The following MGLL variants were observed in gnomAD, a reference collection of about 807,000 sequenced individuals.
The protein encoded by MGLL is lysophospholipase homolog.
MGLL carries 7 observed loss-of-function variants against 29.1 expected under a neutral mutation model. The ratio of observed to expected loss-of-function variants is 0.24; its 90% CI spans 0.14 to 0.45. MGLL has a LOEUF of 0.45. Among genes scored for constraint, MGLL ranks in the 20% least tolerant of loss-of-function variants. The pLI is 0.99. For synonymous variants in MGLL, 148 were observed against 168.3 expected (o/e 0.88, Z 0.93); for missense variants, 356 against 413.6 (o/e 0.86, Z 1.21).
chr3:127,697,632 C>G (rs756343650), intron 6 of MGLL, among the ~76,000 whole-genome samples: 1 of 152,184 alleles, frequency 6.6e-6, no homozygotes, highest in Non-Finnish European at 1.5e-5. Context: ...CACATGACCA[C>G]GTTCTGGCCA....
Position 127,722,509 on chromosome 3 carries a change from A to T in MGLL, c.320T>A (p.Val107Asp), listed in dbSNP as rs2075948260. Residue 107 changes from valine to aspartate, a missense_variant, in exon 4 of 8, where the codon GTC (valine) becomes GAC (aspartate). Transcript: ENST00000265052. The part of the protein sequence containing the change: ...RMVVSDFHVF[V>D]RDVLQHVDSM... ...ATCCACATGCTGCAACACATCCCTG[A>T]CGAAAACGTGGAAGTCAGACACTAC... is the stretch of plus-strand genomic sequence containing the variant. The T allele has an allele frequency of 6.2e-7, 1 of 1,614,106 alleles. No individual in the cohort carries two copies. Among genetic ancestry groups the T allele is most frequent in the Non-Finnish European group, 8.5e-7 (1 of 1,180,054 alleles).
chr3:127,693,754 G>T (rs1239601750), intron 7 of MGLL, among the ~76,000 whole-genome samples: 1 of 152,164 alleles, frequency 6.6e-6, no homozygotes. Context: ...GTTCCGGGGG[G>T]GCAGGGCAGA....
intron 2 of MGLL, among the ~76,000 whole-genome samples, chr3:127,813,613 G>T (rs2077702951): frequency 1.3e-5 from 2 of 152,328 alleles, no homozygotes; most frequent in South Asian, 4.1e-4. Context: ...GTGATCAGGA[G>T]GCTGCCCTGC....
intron 2 of MGLL, among the ~76,000 whole-genome samples, chr3:127,785,194 C>T (rs1404347159): frequency 6.6e-6 from 1 of 152,176 alleles, no homozygotes; most frequent in Non-Finnish European, 1.5e-5. Context: ...ACCTTCCCCC[C>T]TCCTTCCCCA....
At chr3:127,692,458 C>T in intron 7 of MGLL, 135 bp from the exon 8 acceptor site, 2 of 1,088,904 alleles carry the variant, frequency 1.8e-6, no homozygotes, top group Non-Finnish European at 2.7e-6. Flanking sequence ...TGGCCCTGAC[C>T]TCCCATTATT....
Position 127,692,343 on chromosome 3 carries a change from G to A in MGLL, c.817-20C>T, listed in dbSNP as rs747567917. The stretch of plus-strand genomic sequence containing the variant: ...ATAAATCTGCAATGAGGAGAGACAC[G>A]GAATCAGAGCTGCACCATCAGAGGC... On this transcript the variant is annotated intron_variant, in intron 7 of 7. Transcript: ENST00000265052. 30 of 1,613,750 alleles carry A rather than the reference G, an allele frequency of 1.9e-5. No homozygotes were observed. Among genetic ancestry groups the A allele is most frequent in the Non-Finnish European group, 2.3e-5 (27 of 1,179,978 alleles).
chr3:127,767,626 C>A (rs1289968267), intron 3 of MGLL, among the ~76,000 whole-genome samples: 1 of 152,212 alleles, frequency 6.6e-6, no homozygotes, highest in Non-Finnish European at 1.5e-5. Context: ...AGCCCTGGGG[C>A]ACTCTGTTCC....
chr3:127,749,629 G>A (rs1451043913), intron 3 of MGLL, among the ~76,000 whole-genome samples: 1 of 152,118 alleles, frequency 6.6e-6, no homozygotes, highest in African/African-American at 2.4e-5. Context: ...CTCATCCTGT[G>A]GCCCAGAGCA....
intron 3 of MGLL, among the ~76,000 whole-genome samples, chr3:127,768,773 C>T (rs1227111817): frequency 6.6e-6 from 1 of 152,194 alleles, no homozygotes; most frequent in Non-Finnish European, 1.5e-5. Flanking sequence ...TTTCAGGGAA[C>T]CTAGCGCATC....
intron 7 of MGLL, among the ~76,000 whole-genome samples, chr3:127,693,653 C>G (rs1196792658): frequency 1.3e-5 from 2 of 152,146 alleles, no homozygotes; most frequent in Non-Finnish European, 2.9e-5. Context: ...CCCTCTATGC[C>G]TACACTACAC....
intron 7 of MGLL, among the ~76,000 whole-genome samples, chr3:127,694,286 A>AAT (rs869111063): frequency 0.046 from 4,511 of 97,646 alleles, 273 homozygotes; most frequent in Non-Finnish European, 0.063. Context: ...AAAAAAAAAA[A>AAT]ATATATATAT....
chr3:127,779,700 C>T (rs1031468373), intron 3 of MGLL, among the ~76,000 whole-genome samples: 9 of 152,268 alleles, frequency 5.9e-5, no homozygotes, highest in East Asian at 3.9e-4. Flanking sequence ...AATCAGTTAG[C>T]GTCAGATTTA....
chr3:127,694,919 T>G, intron 7 of MGLL, 56 bp downstream of exon 7: 1 of 1,568,102 alleles, frequency 6.4e-7, no homozygotes, highest in Middle Eastern at 1.9e-4. Flanking sequence ...CAAGGGGTGC[T>G]GCCTTCCTGT....
chr3:127,710,741 A>C (rs2075695325), intron 5 of MGLL, 76 bp from the exon 6 acceptor site: 1 of 1,289,072 alleles, frequency 7.8e-7, no homozygotes, highest in Non-Finnish European at 1.1e-6. Context: ...GACAGTTTAC[A>C]GTACATTAAG....
intron 2 of MGLL, among the ~76,000 whole-genome samples, chr3:127,817,588 T>A (rs1263695876): frequency 6.6e-6 from 1 of 152,228 alleles, no homozygotes; most frequent in Non-Finnish European, 1.5e-5. Context: ...TTGAACTCAC[T>A]GCCTGGCAGG....
At position 127,700,863 on chromosome 3, in the gene MGLL, T is replaced by C. The variant is rs9838006; in HGVS notation, c.601-5673A>G. Among the ~76,000 whole-genome samples the C allele has an allele frequency of 4.4e-3, 672 of 152,270 alleles. 3 individuals are homozygous for C. Among genetic ancestry groups the C allele is most frequent in the African/African-American group, 0.015 (639 of 41,558 alleles). ...TGCTTTTGGAGCCGCTTGGCATTGC[T>C]TTCCTTCAGTGCATTGTGCTGAACC... On this transcript the variant is annotated intron_variant, in intron 6 of 7. Coordinates refer to ENST00000265052, the MANE Select transcript of MGLL (RefSeq NM_007283.7).
Position 127,691,800 on chromosome 3 carries a change from C to G in MGLL, c.*398G>C. ...AGGCTGGTCAGAGAGGGCGCTGGGGCGTGAGCGAAGGGTGGGCAGGAAGGA... is the reference window on the plus strand; with the variant it reads ...AGGCTGGTCAGAGAGGGCGCTGGGGGGTGAGCGAAGGGTGGGCAGGAAGGA... On this transcript the variant is annotated 3_prime_UTR_variant, in exon 8 of 8. Coordinates refer to ENST00000265052, the MANE Select transcript of MGLL (RefSeq NM_007283.7). 1 of 277,548 alleles carries G rather than the reference C, an allele frequency of 3.6e-6. No homozygotes were observed. 17.2% of individuals were successfully genotyped at this position (277,548 alleles called of 1,614,324 possible).
At position 127,692,254 on chromosome 3, in the gene MGLL, T is replaced by C; in HGVS notation, c.886A>G (p.Ile296Val). The C allele has an allele frequency of 1.2e-6, 2 of 1,614,154 alleles. No homozygotes were observed. Among genetic ancestry groups the C allele is most frequent in the Non-Finnish European group, 1.7e-6 (2 of 1,179,976 alleles). ...PEVTNSVFHE[I>V]NMWVSQRTAT... is the part of the protein sequence containing the mutation. Reference sequence around the variant, plus strand: ...GTCCTTTGAGAGACCCACATGTTTATTTCATGGAAGACGGAGTTGGTGACT... The same window carrying C: ...GTCCTTTGAGAGACCCACATGTTTACTTCATGGAAGACGGAGTTGGTGACT... Residue 296 changes from isoleucine (I) to valine (V), a missense_variant, in exon 8 of 8, where the codon ATA becomes GTA. By Grantham distance (29) the Ile-to-Val change is conservative (BLOSUM62 3). Coordinates refer to ENST00000265052, the MANE Select transcript of MGLL (RefSeq NM_007283.7).
At chr3:127,766,394 A>G (rs934570640) in intron 3 of MGLL, among the ~76,000 whole-genome samples, 1 of 152,202 alleles carries the variant, frequency 6.6e-6, no homozygotes, top group African/African-American at 2.4e-5. Context: ...AACTATGTAG[A>G]CACGCACCTT....
Sources: gnomAD v4.1 joint callset for allele counts (sites outside exome capture counted in the v4.1 genomes callset) on GRCh38, gnomAD v4.1.1 for gene constraint, MANE v1.5 for transcripts, NCBI Gene and HGNC (gene_info 2026-07-23, HGNC 2026-07-21) for gene names.